The following SLC14A2 variants were observed in gnomAD, a reference collection of about 807,000 sequenced individuals.
SLC14A2 encodes urea transporter 2.
Under a neutral mutation model 104.6 loss-of-function variants are expected in SLC14A2, and 91 were observed. That is an observed-to-expected ratio of 0.87 (90% CI 0.73 to 1.04). SLC14A2 has a LOEUF of 1.04. Among genes scored for constraint, SLC14A2 ranks in the 50% least tolerant of loss-of-function variants. SLC14A2 has a pLI of 0.00. For synonymous variants in SLC14A2, 476 were observed against 466.4 expected (o/e 1.02, Z -0.27); for missense variants, 1,189 against 1,156.0 (o/e 1.03, Z -0.41).
At chr18:45,191,832 A>G in the SLC14A2 span, among the ~76,000 whole-genome samples, 2 of 152,208 alleles carry the variant, frequency 1.3e-5, no homozygotes, top group Admixed American at 6.5e-5. Flanking sequence ...GAGGAAAAAA[A>G]TCATGAGTAG....
chr18:45,330,227 A>G (rs1385997536), intron 1 of SLC14A2, among the ~76,000 whole-genome samples: 1 of 152,194 alleles, frequency 6.6e-6, no homozygotes, highest in East Asian at 1.9e-4. Context: ...TAGTGAGACC[A>G]GAGCCATGAC....
In SLC14A2 at chr18:45,236,487, A is replaced by G. The variant is rs1315881273; in HGVS notation, c.-125+23296A>G. ...TGTATATATACATGTATGTGTGTATATATGTGTATATATACATGTATGTGT... is the reference window on the plus strand; with the variant it reads ...TGTATATATACATGTATGTGTGTATGTATGTGTATATATACATGTATGTGT... On this transcript the variant is annotated intron_variant, in intron 1 of 20. Coordinates refer to the SLC14A2 transcript ENST00000586448. Among the ~76,000 whole-genome samples the G allele has an allele frequency of 4.8e-5, 4 of 83,400 alleles. 2 individuals are homozygous for G. The Admixed American group carries it at 4.9e-4, about 10-fold the overall frequency. The allele number at this position is 83,400 out of a possible 152,430, so 54.7% of individuals were successfully genotyped here.
rs562548732 is a variant in SLC14A2, at chr18:45,375,884, G to T, written c.-124-107349G>T. On this transcript the variant is annotated intron_variant, in intron 1 of 20. Transcript: ENST00000586448. The stretch of plus-strand genomic sequence containing the variant: ...CTTCTCCCCTTCCCTAGAGGGAACA[G>T]GGGCTCCCTGTGTCACCCCAAATAT... 2.6e-5 allele frequency among the ~76,000 whole-genome samples: 4 copies of T among 152,290 alleles called. No individual in the cohort carries two copies. The East Asian group carries it at 7.7e-4, about 29-fold the overall frequency.
intron 1 of SLC14A2, among the ~76,000 whole-genome samples, chr18:45,337,892 G>T (rs1347324282): frequency 1.3e-5 from 2 of 152,168 alleles, no homozygotes; most frequent in Non-Finnish European, 2.9e-5. Flanking sequence ...CTCCAATAAT[G>T]CAGCCAGGCT....
intron 2 of SLC14A2, among the ~76,000 whole-genome samples, chr18:45,538,405 G>C (rs971898057): frequency 1.3e-5 from 2 of 152,164 alleles, no homozygotes; most frequent in Admixed American, 6.5e-5. Flanking sequence ...CTTTCGTGAG[G>C]TTTCAGTTAA....
chr18:45,277,354 C>T (rs79016232), intron 1 of SLC14A2, among the ~76,000 whole-genome samples: 2,137 of 152,270 alleles, frequency 0.014, 21 homozygotes, highest in Non-Finnish European at 0.021. Context: ...CATATCTATT[C>T]CAGAATGTTA....
intron 1 of SLC14A2, among the ~76,000 whole-genome samples, chr18:45,443,660 T>C (rs749053307): frequency 4.6e-5 from 7 of 152,102 alleles, no homozygotes; most frequent in Non-Finnish European, 1.0e-4. Flanking sequence ...TGATCTTCTG[T>C]AGGGCAGAGG....
In SLC14A2 at chr18:45,377,401, A is replaced by T. The variant is rs556807479; in HGVS notation, c.-124-105832A>T. Among the ~76,000 whole-genome samples the T allele has an allele frequency of 9.2e-5, 14 of 152,220 alleles. No homozygotes were observed. The South Asian group carries it at 2.9e-3, about 32-fold the overall frequency. On this transcript the variant is annotated intron_variant, in intron 1 of 20. Coordinates refer to the SLC14A2 transcript ENST00000586448. ...CTCCAATGACTTTTAAATCCCCAGT[A>T]CTAATCCCAACTCATCTGAAACTTT...
intron 1 of SLC14A2, among the ~76,000 whole-genome samples, chr18:45,276,183 T>C (rs1396403894): frequency 1.3e-5 from 2 of 152,250 alleles, no homozygotes; most frequent in African/African-American, 4.8e-5. Flanking sequence ...GCAGATCATC[T>C]AGAGCCCTGT....
chr18:45,229,032 T>C (rs1385554301), intron 1 of SLC14A2, among the ~76,000 whole-genome samples: 1 of 152,206 alleles, frequency 6.6e-6, no homozygotes, highest in Non-Finnish European at 1.5e-5. Flanking sequence ...AAAGGCCCTC[T>C]CCAACTTTTA....
At chr18:45,522,316 C>G (rs1049171262) in intron 2 of SLC14A2, among the ~76,000 whole-genome samples, 16 of 152,192 alleles carry the variant, frequency 1.1e-4, no homozygotes, top group Non-Finnish European at 2.9e-5. Flanking sequence ...AGCATAAACA[C>G]TATAAGCCCA....
chr18:45,251,010 T>C (rs1010738300), intron 1 of SLC14A2, among the ~76,000 whole-genome samples: 3 of 152,258 alleles, frequency 2.0e-5, no homozygotes, highest in Admixed American at 1.3e-4. Context: ...GCCATAGACA[T>C]TAGAAAAAGA....
intron 2 of SLC14A2, among the ~76,000 whole-genome samples, chr18:45,584,269 T>G (rs1352844502): frequency 2.6e-5 from 4 of 152,214 alleles, no homozygotes; most frequent in African/African-American, 9.7e-5. Flanking sequence ...AAATGGTACT[T>G]GTCTTGTGGG....
chr18:45,519,235 T>C (rs2144805250), intron 2 of SLC14A2, among the ~76,000 whole-genome samples: 1 of 152,262 alleles, frequency 6.6e-6, no homozygotes, highest in South Asian at 2.1e-4. Context: ...AACAAGCAAC[T>C]GAATCCATGT....
intron 2 of SLC14A2, among the ~76,000 whole-genome samples, chr18:45,514,588 T>G (rs909396129): frequency 2.6e-5 from 4 of 152,224 alleles, no homozygotes; most frequent in Admixed American, 6.5e-5. Flanking sequence ...TAGAAAATGC[T>G]GTGGATGCCT....
intron 19 of SLC14A2, 35 bp from the exon 20 acceptor site, chr18:45,682,284 T>C (rs373989401): frequency 1.9e-6 from 3 of 1,602,012 alleles, no homozygotes; most frequent in South Asian, 1.1e-5. Context: ...AGGCACCTGA[T>C]GTGACCAAGG....
At chr18:45,468,117 A>T (rs1375627739) in intron 1 of SLC14A2, among the ~76,000 whole-genome samples, 1 of 152,118 alleles carries the variant, frequency 6.6e-6, no homozygotes, top group Non-Finnish European at 1.5e-5. Flanking sequence ...ATTTGCTGAG[A>T]AGGCCAGCCC....
chr18:45,481,980 G>A (rs1295156808), intron 1 of SLC14A2, among the ~76,000 whole-genome samples: 1 of 152,002 alleles, frequency 6.6e-6, no homozygotes, highest in African/African-American at 2.4e-5. Flanking sequence ...TTTGGTTTCG[G>A]TTTCTAACTG....
At chr18:45,394,627 C>T (rs573097512) in intron 1 of SLC14A2, among the ~76,000 whole-genome samples, 7 of 152,130 alleles carry the variant, frequency 4.6e-5, no homozygotes, top group Admixed American at 3.9e-4. Flanking sequence ...TTTTCATATA[C>T]ATGTTGGCTA....
Sources: gnomAD v4.1 joint callset for allele counts (sites outside exome capture counted in the v4.1 genomes callset) on GRCh38, gnomAD v4.1.1 for gene constraint, MANE v1.5 for transcripts, NCBI Gene and HGNC (gene_info 2026-07-23, HGNC 2026-07-21) for gene names.